Variants in PTPRD observed in about 807,000 individuals in gnomAD.
The protein encoded by PTPRD is protein tyrosine phosphatase receptor type D, also known as receptor-type tyrosine-protein phosphatase delta.
A neutral mutation model predicts 214.5 loss-of-function variants in PTPRD; 34 were observed. The observed-to-expected ratio is 0.16, with a 90% CI of 0.12 to 0.21. The LOEUF (loss-of-function observed/expected upper bound fraction) is 0.21, where lower values mean the gene tolerates loss of function less well. Among genes scored for constraint, PTPRD ranks in the 10% least tolerant of loss-of-function variants. PTPRD has a pLI of 1.00. For synonymous variants in PTPRD, 1,128 were observed against 845.7 expected (o/e 1.33, Z -5.79); for missense variants, 2,545 against 2,398.7 (o/e 1.06, Z -1.27).
intron 23 of PTPRD, 107 bp downstream of exon 23, chr9:8,504,154 C>T (rs2097486352): frequency 1.8e-6 from 2 of 1,131,674 alleles, no homozygotes; most frequent in Non-Finnish European, 2.6e-6. Context: ...AACCTAGAGA[C>T]TAACTATTAA....
rs1170862286 is a variant in PTPRD at position 8,948,468 on chromosome 9, CAT to C, written c.-104+70227_-104+70228del. On this transcript the variant is annotated intron_variant, in intron 11 of 45. Transcript: ENST00000381196. ...ATATATATATTTATATATATATTTA[CAT>C]ATATATATATTTATATATATATTTA... is the stretch of plus-strand genomic sequence containing the variant. Among the ~76,000 whole-genome samples, 38 of 8,044 alleles carry C rather than the reference CAT, an allele frequency of 4.7e-3. 8 individuals carry two copies. The highest frequency in any genetic ancestry group is 0.013 in the African/African-American group (36 of 2,788). The allele number at this position is 8,044 out of a possible 152,430, so 5.3% of individuals were successfully genotyped here. A position where few individuals can be genotyped will look rare whatever the true frequency, so the allele number is the denominator to read the frequency against.
At chr9:9,175,612 G>A (rs1471386707) in intron 10 of PTPRD, among the ~76,000 whole-genome samples, 2 of 102,232 alleles carry the variant, frequency 2.0e-5, no homozygotes, top group Non-Finnish European at 1.8e-5. Context: ...AACAGAGTGA[G>A]ACTCTGTCTC....
intron 11 of PTPRD, among the ~76,000 whole-genome samples, chr9:8,868,483 C>T (rs187310380): frequency 1.4e-4 from 22 of 152,206 alleles, no homozygotes; most frequent in Admixed American, 5.2e-4. Flanking sequence ...GGATTACAGG[C>T]ATGAGCCACT....
intron 8 of PTPRD, among the ~76,000 whole-genome samples, chr9:9,536,818 T>C (rs1454297646): frequency 6.6e-6 from 1 of 152,072 alleles, no homozygotes; most frequent in Admixed American, 6.6e-5. Context: ...CTGCTGAAGC[T>C]GTATTCAGCC....
chr9:9,708,960 A>T (rs2154421477), intron 7 of PTPRD, among the ~76,000 whole-genome samples: 2 of 152,144 alleles, frequency 1.3e-5, no homozygotes, highest in South Asian at 4.1e-4. Flanking sequence ...TCTCCAGATT[A>T]CATTATATAG....
At chr9:10,106,118 T>C (rs1189259445) in intron 3 of PTPRD, among the ~76,000 whole-genome samples, 1 of 151,766 alleles carries the variant, frequency 6.6e-6, no homozygotes, top group African/African-American at 2.4e-5. Flanking sequence ...ATTGCACTTA[T>C]TGAATTCAAT....
chr9:9,875,935 G>T (rs968640363), intron 5 of PTPRD, among the ~76,000 whole-genome samples: 19 of 152,124 alleles, frequency 1.2e-4, no homozygotes, highest in African/African-American at 4.3e-4. Flanking sequence ...GCAGAAAGAT[G>T]GGATGAGAGA....
intron 2 of PTPRD, among the ~76,000 whole-genome samples, chr9:10,451,106 A>T (rs2098838784): frequency 1.3e-5 from 2 of 151,894 alleles, no homozygotes; most frequent in South Asian, 4.1e-4. Context: ...TTTTAAAAGT[A>T]TTTAAGTATA....
chr9:9,516,027 GCAT>G (rs2096829377), intron 8 of PTPRD, among the ~76,000 whole-genome samples: 1 of 152,074 alleles, frequency 6.6e-6, no homozygotes, highest in Non-Finnish European at 1.5e-5. Flanking sequence ...CCATATGCAA[GCAT>G]TCAACTGTTG....
At chr9:10,436,564 A>G (rs1223751436) in intron 2 of PTPRD, among the ~76,000 whole-genome samples, 1 of 151,676 alleles carries the variant, frequency 6.6e-6, no homozygotes, top group Non-Finnish European at 1.5e-5. Context: ...TATAAAATGC[A>G]CGTATTCTTA....
chr9:10,145,040 T>G (rs184631479), intron 3 of PTPRD, among the ~76,000 whole-genome samples: 17 of 152,058 alleles, frequency 1.1e-4, no homozygotes, highest in Admixed American at 1.1e-3. Flanking sequence ...AACACACCGA[T>G]TTTTCAAAAA....
chr9:10,287,478 A>G (rs953386614), intron 3 of PTPRD, among the ~76,000 whole-genome samples: 13 of 152,142 alleles, frequency 8.5e-5, no homozygotes, highest in African/African-American at 2.9e-4. Flanking sequence ...CATGCACCCT[A>G]TGAATCTGAG....
At chr9:8,999,466 T>C (rs1194189305) in intron 11 of PTPRD, among the ~76,000 whole-genome samples, 1 of 152,074 alleles carries the variant, frequency 6.6e-6, no homozygotes, top group Non-Finnish European at 1.5e-5. Context: ...TTAAGATATG[T>C]ACATTGTTTT....
intron 11 of PTPRD, among the ~76,000 whole-genome samples, chr9:8,927,307 T>C (rs2154277066): frequency 6.6e-6 from 1 of 152,252 alleles, no homozygotes; most frequent in East Asian, 1.9e-4. Context: ...TGTGTCATGG[T>C]GGTGTGCTGC....
intron 2 of PTPRD, among the ~76,000 whole-genome samples, chr9:10,405,328 T>C (rs2098335917): frequency 6.6e-6 from 1 of 151,738 alleles, no homozygotes; most frequent in Non-Finnish European, 1.5e-5. Flanking sequence ...ATAATTATCT[T>C]GTTTAACAGA....
At chr9:9,199,977 A>G (rs2099940918) in intron 9 of PTPRD, among the ~76,000 whole-genome samples, 1 of 152,168 alleles carries the variant, frequency 6.6e-6, no homozygotes, top group African/African-American at 2.4e-5. Context: ...GGCAATGCCT[A>G]TTTACCTACA....
intron 39 of PTPRD, among the ~76,000 whole-genome samples, chr9:8,369,923 T>C (rs549910131): frequency 6.6e-6 from 1 of 152,204 alleles, no homozygotes; most frequent in East Asian, 1.9e-4. Flanking sequence ...AGCAAATCAG[T>C]TGTCATGTCC....
intron 8 of PTPRD, among the ~76,000 whole-genome samples, chr9:9,564,749 ACT>A (rs1390230179): frequency 2.0e-5 from 3 of 151,878 alleles, no homozygotes; most frequent in Admixed American, 2.0e-4. Context: ...GTTTTTCCTA[ACT>A]CTAGTTCAGT....
chr9:9,214,433 A>T (rs2099950811), intron 9 of PTPRD, among the ~76,000 whole-genome samples: 1 of 152,196 alleles, frequency 6.6e-6, no homozygotes, highest in Admixed American at 6.5e-5. Flanking sequence ...ATCATGATGG[A>T]ACAGTTTCTC....
Sources: allele counts gnomAD v4.1 joint callset (sites outside exome capture counted in the v4.1 genomes callset), GRCh38; gene constraint gnomAD v4.1.1; transcripts MANE v1.5; gene names NCBI Gene and HGNC (gene_info 2026-07-23, HGNC 2026-07-21).